The following ZNF624 variants were observed in gnomAD, a reference collection of about 807,000 sequenced individuals.
The protein encoded by ZNF624 is zinc finger protein 624.
A neutral mutation model predicts 74.7 loss-of-function variants in ZNF624; 43 were observed. The observed-to-expected ratio is 0.58, with a 90% CI of 0.45 to 0.74. The LOEUF (loss-of-function observed/expected upper bound fraction) is 0.74. Ranked by LOEUF, ZNF624 falls within the 30% of genes least tolerant of loss-of-function variation. The pLI is 0.00. For synonymous variants in ZNF624, 331 were observed against 341.3 expected, an observed-to-expected ratio of 0.97 and a Z score of 0.33; for missense variants, 820 against 1,030.0, an observed-to-expected ratio of 0.80 and a Z score of 2.79.
downstream of ZNF624, chr17:16,617,555 A>G (rs944034947): frequency 1.9e-6 from 3 of 1,570,212 alleles, no homozygotes; most frequent in African/African-American, 1.4e-5. Flanking sequence ...ATAAGCCTGT[A>G]TTCTGTACGA....
Position 16,649,647 on chromosome 17 carries a change from T to C in ZNF624, c.87+11A>G, listed in dbSNP as rs1909671652. Reference sequence around the variant, plus strand: ...AAGATAGTAGGTCAAAAACAGGGAATCCCAACTTACCAGGCGTCCAACTGA... The same window carrying C: ...AAGATAGTAGGTCAAAAACAGGGAACCCCAACTTACCAGGCGTCCAACTGA... On this transcript the variant is annotated intron_variant, in intron 2 of 5. Coordinates refer to ENST00000311331, the MANE Select transcript of ZNF624 (RefSeq NM_020787.4). The C allele has an allele frequency of 6.2e-7, 1 of 1,612,976 alleles. No individual in the cohort carries two copies. Among genetic ancestry groups the C allele is most frequent in the Non-Finnish European group, 8.5e-7 (1 of 1,179,234 alleles).
downstream of ZNF624, chr17:16,617,895 G>T (rs1299849862): frequency 1.7e-5 from 26 of 1,526,228 alleles, no homozygotes; most frequent in Admixed American, 2.0e-4. Context: ...CGTGGCGGGC[G>T]GGGGCCCAAG....
downstream of ZNF624, chr17:16,617,933 G>A (rs186166851): frequency 2.8e-4 from 325 of 1,180,162 alleles, 1 homozygote; most frequent in African/African-American, 3.2e-3. Context: ...CGGACCGCAA[G>A]CCAGTAGCCG....
rs781695400 is a variant in ZNF624 at position 16,633,935 on chromosome 17, G to C, written c.303C>G (p.Asp101Glu). 6.2e-7 allele frequency: 1 copy of C among 1,613,338 alleles called. No homozygotes were observed. Among genetic ancestry groups the C allele is most frequent in the Non-Finnish European group, 8.5e-7 (1 of 1,179,592 alleles). The stretch of plus-strand genomic sequence containing the variant: ...TCCCATTCTCCAAATGAGATATCAT[G>C]TCTGGTTTGGAAACTGCAAGCCCTG... The part of the protein sequence containing the change: ...VSLGLAVSKP[D>E]MISHLENGKG... The change falls in exon 5 of 6, where the codon GAC (aspartate) becomes GAG (glutamate). Residue 101 changes from aspartate to glutamate, a missense_variant. Coordinates refer to ENST00000311331, the MANE Select transcript of ZNF624 (RefSeq NM_020787.4).
chr17:16,632,426 A>G (rs1597493733), intron 5 of ZNF624, among the ~76,000 whole-genome samples: 1 of 151,830 alleles, frequency 6.6e-6, no homozygotes, highest in Admixed American at 6.6e-5. Flanking sequence ...TTTTTTCTTG[A>G]CTCCATTCTT....
intron 1 of ZNF624, among the ~76,000 whole-genome samples, chr17:16,651,998 C>T (rs1315353965): frequency 1.3e-5 from 2 of 151,632 alleles, no homozygotes; most frequent in African/African-American, 4.9e-5. Flanking sequence ...TTGCCTGTTA[C>T]ACAATAGGGA....
chr17:16,636,807 G>C (rs1285521073), intron 3 of ZNF624, among the ~76,000 whole-genome samples: 1 of 151,526 alleles, frequency 6.6e-6, no homozygotes, highest in Non-Finnish European at 1.5e-5. Flanking sequence ...CTGCACTCCA[G>C]CCTGGTACAC....
intron 3 of ZNF624, among the ~76,000 whole-genome samples, chr17:16,641,573 C>G (rs934248837): frequency 3.9e-5 from 6 of 152,204 alleles, no homozygotes; most frequent in Non-Finnish European, 8.8e-5. Context: ...CATGGGCCAC[C>G]ATGCCCAGAC....
chr17:16,618,189 C>A (rs1340410108), downstream of ZNF624, among the ~76,000 whole-genome samples: 1 of 151,430 alleles, frequency 6.6e-6, no homozygotes, highest in African/African-American at 2.4e-5. Flanking sequence ...AAAAAAAATA[C>A]AAAAAATTAG....
At chr17:16,645,633 C>CAAA (rs747605908) in intron 3 of ZNF624, among the ~76,000 whole-genome samples, 25 of 108,292 alleles carry the variant, frequency 2.3e-4, no homozygotes, top group African/African-American at 4.9e-4. Flanking sequence ...GACTACGCTA[C>CAAA]AAAAAAAAAA....
Position 16,623,619 on chromosome 17 carries a change from T to C in ZNF624, c.1267A>G (p.Lys423Glu). 1 of 1,611,368 alleles carries C rather than the reference T, an allele frequency of 6.2e-7. No individual in the cohort carries two copies. Among genetic ancestry groups the C allele is most frequent in the Non-Finnish European group, 8.5e-7 (1 of 1,179,178 alleles). ...AGATATGACTTGTTCCTAAAGGCTT[T>C]CCCACAATCATCACATTTGTAGGGT... Reference protein sequence around the residue: ...EKPYKCDDCGKAFRNKSYLSV... With the variant: ...EKPYKCDDCGEAFRNKSYLSV... The change falls in exon 6 of 6, where the codon AAA (lysine) becomes GAA (glutamate). Residue 423 changes from lysine to glutamate, a missense_variant. Physicochemically the swap from Lys to Glu is moderately conservative, Grantham distance 56. Transcript: ENST00000311331. The surrounding 1 kb of genome is among the most constrained non-coding windows in gnomAD (Gnocchi z 5.3).
At chr17:16,649,048 T>C (rs1243347961) in intron 2 of ZNF624, among the ~76,000 whole-genome samples, 1 of 152,250 alleles carries the variant, frequency 6.6e-6, no homozygotes, top group Non-Finnish European at 1.5e-5. Flanking sequence ...TTTCTTTACA[T>C]AGCACTCATC....
Position 16,647,406 on chromosome 17 carries a change from C to T in ZNF624, c.88-12G>A, listed in dbSNP as rs765690860. On this transcript the variant is annotated splice_polypyrimidine_tract_variant and intron_variant, in intron 2 of 5. Transcript: ENST00000311331. Reference sequence around the variant, plus strand: ...GTAACTTCAGGGCTCTGATGGGATACAGGATAAGATCATTCAGTGATAGGC... The same window carrying T: ...GTAACTTCAGGGCTCTGATGGGATATAGGATAAGATCATTCAGTGATAGGC... 3.0e-5 allele frequency: 49 copies of T among 1,613,442 alleles called. No individual in the cohort carries two copies. Among genetic ancestry groups the T allele is most frequent in the Admixed American group, 2.5e-4 (15 of 60,016 alleles).
the ZNF624 span, among the ~76,000 whole-genome samples, chr17:16,614,407 T>A: frequency 6.6e-6 from 1 of 152,104 alleles, no homozygotes; most frequent in Non-Finnish European, 1.5e-5. Flanking sequence ...TATAAACTAT[T>A]TAAAACCAGT....
chr17:16,627,043 A>T (rs2142581124), intron 5 of ZNF624, among the ~76,000 whole-genome samples: 1 of 152,204 alleles, frequency 6.6e-6, no homozygotes, highest in East Asian at 1.9e-4. Flanking sequence ...GACAAGAGAG[A>T]CTCCATCTCA....
chr17:16,641,253 C>T lies in ZNF624; in HGVS notation c.153+6076G>A, dbSNP rs1001482598. The stretch of plus-strand genomic sequence containing the variant: ...TGAGATCACAAAGACAACAATGTCC[C>T]TTCTCACTTTTCTTTTTCTTTCTTT... On this transcript the variant is annotated intron_variant, in intron 3 of 5. Transcript: ENST00000311331. 8.5e-5 allele frequency among the ~76,000 whole-genome samples: 13 copies of T among 152,118 alleles called. No individual in the cohort carries two copies. The South Asian group carries it at 2.7e-3, about 32-fold the overall frequency.
downstream of ZNF624, among the ~76,000 whole-genome samples, chr17:16,618,307 C>T (rs555429995): frequency 3.3e-3 from 503 of 152,180 alleles, 6 homozygotes; most frequent in African/African-American, 0.012. Context: ...AAGCAAGGAT[C>T]CAACTCAAAA....
chr17:16,629,373 G>T (rs1273883591), intron 5 of ZNF624, among the ~76,000 whole-genome samples: 3 of 151,086 alleles, frequency 2.0e-5, no homozygotes, highest in African/African-American at 7.3e-5. Context: ...TCCCATGCTG[G>T]TCTTGAACGC....
At chr17:16,651,163 A>G (rs1362006624) in intron 1 of ZNF624, among the ~76,000 whole-genome samples, 2 of 152,164 alleles carry the variant, frequency 1.3e-5, no homozygotes, top group Admixed American at 1.3e-4. Flanking sequence ...ATGGTGGCTC[A>G]TACCTGTAAT....
Sources: allele counts gnomAD v4.1 joint callset (sites outside exome capture counted in the v4.1 genomes callset), GRCh38; gene constraint gnomAD v4.1.1; non-coding constraint Gnocchi (gnomAD v3.1); transcripts MANE v1.5; gene names NCBI Gene and HGNC (gene_info 2026-07-23, HGNC 2026-07-21).